ADGRD1: variants seen among roughly 807,000 people sequenced by gnomAD.
ADGRD1 encodes G-protein coupled receptor 133.
A neutral mutation model predicts 113.4 loss-of-function variants in ADGRD1; 77 were observed. The observed-to-expected ratio is 0.68, with a 90% CI of 0.57 to 0.82. ADGRD1 has a LOEUF of 0.82. Ranked by LOEUF, ADGRD1 falls within the 40% of genes least tolerant of loss-of-function variation. The pLI, the probability that ADGRD1 is intolerant of heterozygous loss-of-function variation, is 0.00. For synonymous variants in ADGRD1, 474 were observed against 475.0 expected, an observed-to-expected ratio of 1.00 and a Z score of 0.03; for missense variants, 1,036 against 1,139.1, an observed-to-expected ratio of 0.91 and a Z score of 1.30.
At chr12:130,982,384 C>G (rs1443124169) in intron 5 of ADGRD1, among the ~76,000 whole-genome samples, 2 of 152,228 alleles carry the variant, frequency 1.3e-5, no homozygotes, top group Non-Finnish European at 2.9e-5. Context: ...ACTTACCTCA[C>G]GGTTTCCAGG....
At chr12:131,024,520 CT>C (rs1879722333) in intron 13 of ADGRD1, 2 of 152,248 alleles carry the variant, frequency 1.3e-5, no homozygotes, top group Non-Finnish European at 2.9e-5. Context: ...CAGATTTTCC[CT>C]GTACCTCATC....
At chr12:131,138,758 A>G (rs1218456377) in intron 24 of ADGRD1, among the ~76,000 whole-genome samples, 1 of 152,206 alleles carries the variant, frequency 6.6e-6, no homozygotes, top group Non-Finnish European at 1.5e-5. Context: ...GCCCTGCTCC[A>G]TGGGAGCTGG....
chr12:131,008,216 T>C (rs7961468), intron 12 of ADGRD1, among the ~76,000 whole-genome samples: 30,613 of 152,262 alleles, frequency 0.2, 4,172 homozygotes, highest in African/African-American at 0.39. Flanking sequence ...TGGGCATTTG[T>C]GCCATTTTGC....
chr12:131,044,309 G>T (rs891286585), intron 13 of ADGRD1, among the ~76,000 whole-genome samples: 3 of 152,194 alleles, frequency 2.0e-5, no homozygotes, highest in African/African-American at 7.2e-5. Flanking sequence ...CATCGGGGCC[G>T]AGGAGGCCAC....
rs1884231128 is a variant in ADGRD1, at chr12:131,060,539, G to A, written c.1474-16262G>A. Among the ~76,000 whole-genome samples, 1 of 152,186 alleles carries A rather than the reference G, an allele frequency of 6.6e-6. No individual in the cohort carries two copies. The highest frequency in any genetic ancestry group is 6.5e-5 in the Admixed American group (1 of 15,276). On this transcript the variant is annotated intron_variant, in intron 13 of 24. Transcript: ENST00000261654. This position sits in a 1 kb window ranked among gnomAD's most constrained non-coding sequence, Gnocchi z 4.4. ...CAGAGACTGGCCAAGTCAGTCCTGGGTGACAGAGGCCGTGGCCAAGGGGGC... is the reference window on the plus strand; with the variant it reads ...CAGAGACTGGCCAAGTCAGTCCTGGATGACAGAGGCCGTGGCCAAGGGGGC...
At chr12:131,137,744 C>T (rs975188706) in intron 23 of ADGRD1, 23 of 280,230 alleles carry the variant, frequency 8.2e-5, no homozygotes, top group African/African-American at 3.2e-4. Context: ...TTGATCGCAA[C>T]GCCCAGTGAC....
At chr12:130,983,526 C>A (rs1214314200) in intron 5 of ADGRD1, among the ~76,000 whole-genome samples, 1 of 152,202 alleles carries the variant, frequency 6.6e-6, no homozygotes, top group Non-Finnish European at 1.5e-5. Flanking sequence ...CCATTAGGTT[C>A]TTTGACCTTG....
At chr12:131,039,505 A>T (rs914377090) in intron 13 of ADGRD1, among the ~76,000 whole-genome samples, 6 of 152,266 alleles carry the variant, frequency 3.9e-5, no homozygotes, top group African/African-American at 1.4e-4. Flanking sequence ...TTGTTCAAAG[A>T]CAAATGAGTC....
intron 12 of ADGRD1, among the ~76,000 whole-genome samples, chr12:131,012,024 A>G (rs531648955): frequency 4.6e-5 from 7 of 152,218 alleles, no homozygotes; most frequent in Admixed American, 1.3e-4. Flanking sequence ...GACTGAGCCC[A>G]CGCATGCCCA....
chr12:131,046,264 GTGCTCCCTCCCTGGTCAA>G (rs1439760568), intron 13 of ADGRD1, among the ~76,000 whole-genome samples: 2 of 142,156 alleles, frequency 1.4e-5, no homozygotes, highest in Non-Finnish European at 3.0e-5. Context: ...CTCCTGGTCA[GTGCTCCCTCCCTGGTCAA>G]TGCTCCCTCC....
chr12:131,043,954 T>C (rs2136998600), intron 13 of ADGRD1, among the ~76,000 whole-genome samples: 1 of 151,748 alleles, frequency 6.6e-6, no homozygotes, highest in African/African-American at 2.4e-5. Flanking sequence ...AGGAGCAGAG[T>C]TGGGAGGGAA....
At chr12:131,127,868 G>T (rs11615414) in intron 20 of ADGRD1, among the ~76,000 whole-genome samples, 21 of 83,796 alleles carry the variant, frequency 2.5e-4, no homozygotes, top group South Asian at 4.6e-4. Flanking sequence ...GTGTTGGTTG[G>T]GTTGGTTGTG....
intron 20 of ADGRD1, among the ~76,000 whole-genome samples, chr12:131,124,846 A>G (rs954041298): frequency 2.0e-5 from 3 of 152,222 alleles, no homozygotes; most frequent in South Asian, 2.1e-4. Flanking sequence ...AAATGCGAAC[A>G]TGGCCATAGG....
intron 18 of ADGRD1, among the ~76,000 whole-genome samples, chr12:131,114,125 G>T (rs1012391413): frequency 2.6e-5 from 4 of 152,240 alleles, no homozygotes; most frequent in African/African-American, 9.6e-5. Context: ...GTCGCCGATA[G>T]GATGGGGTTG....
At chr12:131,122,308 G>T (rs1402056479) in intron 20 of ADGRD1, among the ~76,000 whole-genome samples, 1 of 152,136 alleles carries the variant, frequency 6.6e-6, no homozygotes, top group African/African-American at 2.4e-5. Context: ...CGTCTACAGA[G>T]CTCCGAGCAG....
intron 15 of ADGRD1, among the ~76,000 whole-genome samples, chr12:131,088,894 G>GGA (rs1886700878): frequency 2.0e-5 from 3 of 152,198 alleles, no homozygotes. Flanking sequence ...GGTCATCTGT[G>GGA]TGCTGACCAG....
In ADGRD1 at chr12:131,041,286, G is replaced by A. The variant is rs1882104572; in HGVS notation, c.1473+26946G>A. ...GTGGAGCCGGAGGGTGTGGGTGGGG[G>A]ATGTGGGTGCAAAGGAGCTGCAGAG... is the stretch of plus-strand genomic sequence containing the variant. On this transcript the variant is annotated intron_variant, in intron 13 of 24. Coordinates refer to ENST00000261654, the MANE Select transcript of ADGRD1 (RefSeq NM_198827.5). This position sits in a 1 kb window ranked among gnomAD's most constrained non-coding sequence, Gnocchi z 4.4. Among the ~76,000 whole-genome samples, 1 of 152,162 alleles carries A rather than the reference G, an allele frequency of 6.6e-6. No homozygotes were observed. The highest frequency in any genetic ancestry group is 1.5e-5 in the Non-Finnish European group (1 of 68,028).
chr12:131,103,766 C>T (rs1350790569), intron 15 of ADGRD1, among the ~76,000 whole-genome samples: 2 of 152,198 alleles, frequency 1.3e-5, no homozygotes, highest in African/African-American at 2.4e-5. Flanking sequence ...GACGGGGGGA[C>T]GTGGGTCTGG....
chr12:131,073,951 C>A (rs543736315), intron 13 of ADGRD1, among the ~76,000 whole-genome samples: 1 of 152,186 alleles, frequency 6.6e-6, no homozygotes, highest in Admixed American at 6.5e-5. Context: ...AACACTGCTG[C>A]GTTGGGAATT....
Sources: allele counts gnomAD v4.1 joint callset (sites outside exome capture counted in the v4.1 genomes callset), GRCh38; gene constraint gnomAD v4.1.1; non-coding constraint Gnocchi (gnomAD v3.1); transcripts MANE v1.5; gene names NCBI Gene and HGNC (gene_info 2026-07-23, HGNC 2026-07-21).